DNM3: variants seen among roughly 807,000 people sequenced by gnomAD.
DNM3 encodes the protein dynamin 3, also known as dynamin-3.
A neutral mutation model predicts 101.6 loss-of-function variants in DNM3; 47 were observed. The observed-to-expected ratio is 0.46, with a 90% confidence interval of 0.37 to 0.59. The LOEUF is 0.59. Ranked by LOEUF, DNM3 falls within the 20% of genes least tolerant of loss-of-function variation. DNM3 has a pLI of 0.00. For missense variants in DNM3, 849 were observed against 1,085.7 expected (o/e 0.78, Z 3.06); for synonymous variants, 385 against 387.9 (o/e 0.99, Z 0.09).
At chr1:172,359,296 T>C (rs984343386) in intron 17 of DNM3, among the ~76,000 whole-genome samples, 9 of 152,050 alleles carry the variant, frequency 5.9e-5, no homozygotes, top group African/African-American at 2.2e-4. Context: ...TGGGGCTGTC[T>C]TCTTAGAAAT....
At chr1:172,181,360 T>C (rs9787394) in intron 14 of DNM3, among the ~76,000 whole-genome samples, 8,929 of 146,458 alleles carry the variant, frequency 0.061, 360 homozygotes, top group East Asian at 0.14. Flanking sequence ...TCTTATGCTT[T>C]AAAACACTTG....
At chr1:172,142,992 A>G (rs979225467) in intron 14 of DNM3, among the ~76,000 whole-genome samples, 1 of 152,052 alleles carries the variant, frequency 6.6e-6, no homozygotes, top group Non-Finnish European at 1.5e-5. Context: ...ACTTTACTAT[A>G]TCATCTAAGT....
chr1:172,248,333 T>C (rs2062037521), intron 14 of DNM3, among the ~76,000 whole-genome samples: 1 of 152,188 alleles, frequency 6.6e-6, no homozygotes, highest in Admixed American at 6.5e-5. Flanking sequence ...GTTTTATTTA[T>C]TATGGATCAT....
At chr1:172,180,925 A>G (rs2059321198) in intron 14 of DNM3, among the ~76,000 whole-genome samples, 5 of 152,124 alleles carry the variant, frequency 3.3e-5, no homozygotes, top group Admixed American at 2.6e-4. Context: ...ATAACATTAA[A>G]CAAGAATAAA....
intron 16 of DNM3, among the ~76,000 whole-genome samples, chr1:172,315,108 G>A (rs1331070148): frequency 8.5e-5 from 13 of 152,302 alleles, no homozygotes; most frequent in East Asian, 5.8e-4. Context: ...TGCAGACACC[G>A]CTGCTGATAC....
chr1:172,025,346 C>T (rs745616603), intron 4 of DNM3, among the ~76,000 whole-genome samples: 1 of 152,166 alleles, frequency 6.6e-6, no homozygotes, highest in Non-Finnish European at 1.5e-5. Flanking sequence ...GGACAGACCA[C>T]CTGGGGGAAG....
chr1:171,846,519 G>A (rs1420880982), intron 1 of DNM3, among the ~76,000 whole-genome samples: 1 of 152,098 alleles, frequency 6.6e-6, no homozygotes, highest in African/African-American at 2.4e-5. Context: ...TAGAGTGTTA[G>A]GTATTCTTCT....
At chr1:172,350,534 A>C (rs1328271075) in intron 17 of DNM3, among the ~76,000 whole-genome samples, 1 of 152,170 alleles carries the variant, frequency 6.6e-6, no homozygotes. Flanking sequence ...TTCTGTAGTT[A>C]GTTTAGGAGA....
At chr1:172,072,784 G>A (rs1197942652) in intron 11 of DNM3, among the ~76,000 whole-genome samples, 1 of 152,226 alleles carries the variant, frequency 6.6e-6, no homozygotes, top group African/African-American at 2.4e-5. Flanking sequence ...CTACTTGGGA[G>A]GCTGAGGCGG....
intron 2 of DNM3, among the ~76,000 whole-genome samples, chr1:171,975,610 G>A (rs2044313300): frequency 6.6e-6 from 1 of 152,198 alleles, no homozygotes; most frequent in African/African-American, 2.4e-5. Flanking sequence ...AGCAAAACAT[G>A]TTGTGGTTAT....
At chr1:171,919,308 C>T (rs1013062764) in intron 1 of DNM3, among the ~76,000 whole-genome samples, 25 of 152,118 alleles carry the variant, frequency 1.6e-4, no homozygotes, top group African/African-American at 4.8e-4. Flanking sequence ...CCTCTCCTGG[C>T]CCCCCACCCT....
At chr1:171,906,203 T>C (rs1026815224) in intron 1 of DNM3, among the ~76,000 whole-genome samples, 1 of 151,452 alleles carries the variant, frequency 6.6e-6, no homozygotes, top group African/African-American at 2.4e-5. Flanking sequence ...ACATGGCTCA[T>C]TGCGGCCTCG....
Position 172,038,470 on chromosome 1 carries a change from C to T in DNM3, c.992+9C>T. 6.2e-7 allele frequency: 1 copy of T among 1,610,492 alleles called. No homozygotes were observed. On this transcript the variant is annotated intron_variant, in intron 7 of 20. Coordinates refer to ENST00000627582, the MANE Select transcript of DNM3 (RefSeq NM_015569.5). ...ACCAAAGCATTGCTGCAGTAGGTCA[C>T]CTTTCCCTTCCTTGGCTCAGCATTT...
intron 14 of DNM3, among the ~76,000 whole-genome samples, chr1:172,180,092 T>C (rs866003586): frequency 2.0e-5 from 3 of 152,104 alleles, no homozygotes; most frequent in African/African-American, 7.2e-5. Flanking sequence ...TTGTATAGTT[T>C]AGCATGAATG....
intron 14 of DNM3, among the ~76,000 whole-genome samples, chr1:172,165,583 C>G (rs144158096): frequency 1.9e-4 from 29 of 152,094 alleles, no homozygotes; most frequent in African/African-American, 6.7e-4. Context: ...CTGGGCTCCT[C>G]CCTGACCTCC....
intron 14 of DNM3, among the ~76,000 whole-genome samples, chr1:172,159,214 G>A (rs1256452094): frequency 2.0e-5 from 3 of 151,940 alleles, no homozygotes; most frequent in African/African-American, 4.8e-5. Context: ...GAAAAAAGCC[G>A]TCTATGGAAA....
chr1:171,984,967 G>C (rs1474667236), intron 2 of DNM3, among the ~76,000 whole-genome samples: 2 of 152,140 alleles, frequency 1.3e-5, no homozygotes, highest in African/African-American at 4.8e-5. Context: ...GTATTTTCAA[G>C]AGTTTGAGAA....
At chr1:172,226,931 G>T (rs1157809112) in intron 14 of DNM3, among the ~76,000 whole-genome samples, 3 of 151,738 alleles carry the variant, frequency 2.0e-5, no homozygotes, top group African/African-American at 4.8e-5. Context: ...CAATAGCTCT[G>T]GGGGGAGGTA....
chr1:172,108,905 G>A (rs2055257791), intron 13 of DNM3, among the ~76,000 whole-genome samples: 2 of 152,114 alleles, frequency 1.3e-5, no homozygotes, highest in African/African-American at 4.8e-5. Flanking sequence ...TTGCCTGGAT[G>A]GAGAACTACT....
Sources: gnomAD v4.1 joint callset for allele counts (sites outside exome capture counted in the v4.1 genomes callset) on GRCh38, gnomAD v4.1.1 for gene constraint, MANE v1.5 for transcripts, NCBI Gene and HGNC (gene_info 2026-07-23, HGNC 2026-07-21) for gene names.